The following HNRNPR variants were observed in gnomAD, a reference collection of about 807,000 sequenced individuals.
HNRNPR encodes heterogeneous nuclear ribonucleoprotein R.
Under a neutral mutation model 70.3 loss-of-function variants are expected in HNRNPR, and 4 were observed. That is an observed-to-expected ratio of 0.06 (90% CI 0.03 to 0.13). HNRNPR has a LOEUF of 0.13. HNRNPR is among the 10% of genes least tolerant of loss of function. The pLI is 1.00. For synonymous variants in HNRNPR, 241 were observed against 267.6 expected, an observed-to-expected ratio of 0.90 and a Z score of 0.97; for missense variants, 423 against 788.5, an observed-to-expected ratio of 0.54 and a Z score of 5.55.
intron 8 of HNRNPR, among the ~76,000 whole-genome samples, chr1:23,317,087 T>C (rs1031178838): frequency 1.3e-5 from 2 of 152,186 alleles, no homozygotes; most frequent in South Asian, 2.1e-4. Flanking sequence ...CATTAACTCA[T>C]GGCCATTCAG....
chr1:23,327,761 G>GA (rs1646049172), intron 5 of HNRNPR, among the ~76,000 whole-genome samples: 1 of 151,592 alleles, frequency 6.6e-6, no homozygotes, highest in African/African-American at 2.4e-5. Context: ...TAAGAAGAAG[G>GA]AAAAAACAGA....
At position 23,305,546 on chromosome 1, in the gene HNRNPR, T is replaced by C. The variant is rs1372328220; in HGVS notation, c.*4908A>G. On this transcript the variant is annotated 3_prime_UTR_variant, in exon 11 of 11. Coordinates refer to ENST00000302271, the MANE Select transcript of HNRNPR (RefSeq NM_005826.5). ...AAGGTTCTTCAGGCATGAAAATCCATAATTACTTTTAATCAGTGTTTATAC... is the reference window on the plus strand; with the variant it reads ...AAGGTTCTTCAGGCATGAAAATCCACAATTACTTTTAATCAGTGTTTATAC... 1 of 152,196 alleles carries C rather than the reference T, an allele frequency of 6.6e-6. No individual in the cohort carries two copies. Among genetic ancestry groups the C allele is most frequent in the African/African-American group, 2.4e-5 (1 of 41,454 alleles). The allele number at this position is 152,196 out of a possible 1,614,324, so 9.4% of individuals were successfully genotyped here.
intron 9 of HNRNPR, 67 bp downstream of exon 9, chr1:23,313,486 A>C (rs2148323258): frequency 9.7e-7 from 1 of 1,028,318 alleles, no homozygotes; most frequent in Non-Finnish European, 1.4e-6. Flanking sequence ...TTTTAAAGTT[A>C]CTTTGTGTTT....
intron 3 of HNRNPR, 28 bp downstream of exon 3, chr1:23,338,462 C>G (rs756357862): frequency 1.1e-6 from 1 of 886,148 alleles, no homozygotes; most frequent in East Asian, 2.9e-5. Context: ...ACTAATTGTT[C>G]AAAGACATTT....
chr1:23,310,968 T>C lies in HNRNPR; in HGVS notation c.1388A>G (p.Asp463Gly). ...GGRGGYGYPP[D>G]YYGYEDYYDD... is the part of the protein sequence containing the mutation. ...ATAGTAATCTTCATAGCCGTAGTAA[T>C]CTGGAGGGTAGCCATATCCACCTCT... Residue 463 changes from aspartate to glycine, a missense_variant, in exon 11 of 11, where the codon GAT (aspartate) becomes GGT (glycine). By Grantham distance (94) the Asp-to-Gly change is moderately conservative. Coordinates refer to ENST00000302271, the MANE Select transcript of HNRNPR (RefSeq NM_005826.5). This position sits in a 1 kb window ranked among gnomAD's most constrained non-coding sequence, Gnocchi z 6.0. The C allele has an allele frequency of 6.2e-7, 1 of 1,614,132 alleles. No individual in the cohort carries two copies. Among genetic ancestry groups the C allele is most frequent in the Non-Finnish European group, 8.5e-7 (1 of 1,180,022 alleles).
chr1:23,334,980 C>T (rs997365243), intron 4 of HNRNPR, among the ~76,000 whole-genome samples: 4 of 151,670 alleles, frequency 2.6e-5, no homozygotes, highest in Non-Finnish European at 5.9e-5. Context: ...TGCAGTGGCG[C>T]GATCTTGGCT....
intron 8 of HNRNPR, among the ~76,000 whole-genome samples, chr1:23,315,148 G>C (rs773853161): frequency 3.3e-5 from 5 of 151,680 alleles, no homozygotes; most frequent in African/African-American, 4.8e-5. Flanking sequence ...GGCGTGGTAG[G>C]AGGCACCTAT....
intron 1 of HNRNPR, among the ~76,000 whole-genome samples, chr1:23,341,784 G>A (rs1646711998): frequency 6.6e-6 from 1 of 152,124 alleles, no homozygotes; most frequent in Non-Finnish European, 1.5e-5. Context: ...ACATACTGAA[G>A]AATGGACAAC....
chr1:23,322,322 A>AC (rs1474489839), intron 6 of HNRNPR, among the ~76,000 whole-genome samples: 1 of 150,874 alleles, frequency 6.6e-6, no homozygotes, highest in East Asian at 1.9e-4. Context: ...TGCAACCTCC[A>AC]CCTCCTGGGT....
rs1645231083 is a variant in HNRNPR, at chr1:23,308,083, G to C, written c.*2371C>G. 6.6e-6 allele frequency: 1 copy of C among 152,010 alleles called. No individual in the cohort carries two copies. The highest frequency in any genetic ancestry group is 1.5e-5 in the Non-Finnish European group (1 of 67,892). The allele number at this position is 152,010 out of a possible 1,614,324, so 9.4% of individuals were successfully genotyped here. On this transcript the variant is annotated 3_prime_UTR_variant, in exon 11 of 11. Transcript: ENST00000302271. ...AAGACATGAAAGAAGAAAAGCTCTT[G>C]AGTTTTAATGTTTATAGGATTATGC...
rs138714311 is a variant in HNRNPR at position 23,339,532 on chromosome 1, T to C, written c.158-924A>G. ...TTTACATATGGAATATATTTCAGAA[T>C]TGATCCAACGTAAAATGCAAGTATT... On this transcript the variant is annotated intron_variant, in intron 2 of 10. Transcript: ENST00000302271. Among the ~76,000 whole-genome samples, 17 of 152,342 alleles carry C rather than the reference T, an allele frequency of 1.1e-4. No homozygotes were observed. The East Asian group carries it at 2.9e-3, about 26-fold the overall frequency.
chr1:23,324,618 T>A (rs1329554021), intron 5 of HNRNPR, among the ~76,000 whole-genome samples: 1 of 151,972 alleles, frequency 6.6e-6, no homozygotes. Context: ...TTTCAGAAAC[T>A]CCAGTGCTTC....
chr1:23,310,726 C>G lies in HNRNPR; in HGVS notation c.1630G>C (p.Gly544Arg), dbSNP rs907150914. 1 of 1,613,698 alleles carries G rather than the reference C, an allele frequency of 6.2e-7. No individual in the cohort carries two copies. Among genetic ancestry groups the G allele is most frequent in the African/African-American group, 1.3e-5 (1 of 74,878 alleles). The change falls in exon 11 of 11, where the codon GGT (glycine) becomes CGT (arginine). Residue 544 changes from glycine (G) to arginine (R), a missense_variant. Gly to Arg is a moderately radical substitution (Grantham distance 125, BLOSUM62 -2). Coordinates refer to ENST00000302271, the MANE Select transcript of HNRNPR (RefSeq NM_005826.5). This position sits in a 1 kb window ranked among gnomAD's most constrained non-coding sequence, Gnocchi z 6.0. ...APLGPPRGSR[G>R]GRGGPAQQQR... ...TGTTGAGCAGGACCCCCTCTGCCAC[C>G]CCTAGAGCCTCTTGGTGGTCCCAAA...
chr1:23,314,854 T>A (rs1407314404), intron 8 of HNRNPR, among the ~76,000 whole-genome samples: 1 of 152,230 alleles, frequency 6.6e-6, no homozygotes, highest in Non-Finnish European at 1.5e-5. Flanking sequence ...CCTACAGATA[T>A]ATCTCCACTT....
Position 23,338,613 on chromosome 1 carries a change from AAATT to A in HNRNPR, c.158-9_158-6del. ...GATCGACATAAGCTACCAATCCTAA[AAATT>A]AAATTGAAAGGGGTAACGTTATTGC... On this transcript the variant is annotated splice_polypyrimidine_tract_variant and splice_region_variant and intron_variant, in intron 2 of 10. Coordinates refer to ENST00000302271, the MANE Select transcript of HNRNPR (RefSeq NM_005826.5). 6.7e-7 allele frequency: 1 copy of A among 1,492,538 alleles called. No homozygotes were observed. The highest frequency in any genetic ancestry group is 9.2e-7 in the Non-Finnish European group (1 of 1,085,490). The allele number at this position is 1,492,538 out of a possible 1,614,324, so 92.5% of individuals were successfully genotyped here.
intron 1 of HNRNPR, among the ~76,000 whole-genome samples, chr1:23,343,871 C>G (rs1004017110): frequency 1.3e-5 from 2 of 152,134 alleles, no homozygotes; most frequent in Middle Eastern, 3.2e-3. Context: ...GCGGCAGGGC[C>G]GCGGGCGCCT....
intron 4 of HNRNPR, among the ~76,000 whole-genome samples, chr1:23,335,560 G>C (rs533812888): frequency 6.6e-6 from 1 of 152,192 alleles, no homozygotes; most frequent in Non-Finnish European, 1.5e-5. Flanking sequence ...ATCAGCAGCC[G>C]CATTAGGTTC....
At position 23,338,610 on chromosome 1, in the gene HNRNPR, T is replaced by G; in HGVS notation, c.158-2A>C. ...CAAGATCGACATAAGCTACCAATCC[T>G]AAAAATTAAATTGAAAGGGGTAACG... On this transcript the variant is annotated splice_acceptor_variant, in intron 2 of 10. Transcript: ENST00000302271. LOFTEE classifies it high-confidence loss of function. 6.6e-7 allele frequency: 1 copy of G among 1,508,820 alleles called. No homozygotes were observed. Among genetic ancestry groups the G allele is most frequent in the Non-Finnish European group, 9.1e-7 (1 of 1,100,626 alleles). 93.5% of individuals were successfully genotyped at this position (1,508,820 alleles called of 1,614,324 possible). A position where few individuals can be genotyped will look rare whatever the true frequency, so the allele number is the denominator to read the frequency against.
chr1:23,336,907 GTAA>G (rs1006358146), intron 4 of HNRNPR, among the ~76,000 whole-genome samples: 12 of 152,118 alleles, frequency 7.9e-5, no homozygotes, highest in East Asian at 1.9e-4. Context: ...TAATAAAATG[GTAA>G]TAATAATAAT....
Sources: gnomAD v4.1 joint callset for allele counts (sites outside exome capture counted in the v4.1 genomes callset) on GRCh38, gnomAD v4.1.1 for gene constraint, Gnocchi (gnomAD v3.1) non-coding constraint, MANE v1.5 for transcripts, NCBI Gene and HGNC (gene_info 2026-07-23, HGNC 2026-07-21) for gene names.